The following ENPP1 variants were observed in gnomAD, a reference collection of about 807,000 sequenced individuals.
ENPP1 encodes ectonucleotide pyrophosphatase/phosphodiesterase family member 1.
ENPP1 carries 73 observed loss-of-function variants against 122.8 expected under a neutral mutation model. That is an observed-to-expected ratio of 0.59 (90% CI 0.49 to 0.72). The LOEUF (loss-of-function observed/expected upper bound fraction) is 0.72, where lower values mean the gene tolerates loss of function less well. ENPP1 is among the 30% of genes least tolerant of loss of function. The probability of loss-of-function intolerance (pLI) is 0.00; values close to 1 mark genes in which losing one functional copy is unlikely to be tolerated. For missense variants in ENPP1, 978 were observed against 1,128.1 expected (o/e 0.87, Z 1.91); for synonymous variants, 367 against 391.6 (o/e 0.94, Z 0.74).
rs896975302 is a variant in ENPP1, at chr6:131,869,318, T to C, written c.1274-40T>C. ...CTGCTCTGCATATTAAATTTTTTGT[T>C]AAAGTTACAGCATGTTTTGGGATTT... On this transcript the variant is annotated intron_variant, in intron 12 of 24. Coordinates refer to ENST00000647893, the MANE Select transcript of ENPP1 (RefSeq NM_006208.3). The C allele has an allele frequency of 2.5e-6, 4 of 1,608,868 alleles. No homozygotes were observed. In the African/African-American group the frequency reaches 4.0e-5, roughly 16 times the overall value.
At position 131,861,682 on chromosome 6, in the gene ENPP1, G is replaced by A; in HGVS notation, c.1003G>A (p.Asp335Asn). 1 of 1,608,844 alleles carries A rather than the reference G, an allele frequency of 6.2e-7. No homozygotes were observed. The highest frequency in any genetic ancestry group is 2.2e-5 in the East Asian group (1 of 44,826). ...TGTGGAAATTAACGGAATTTTCCCA[G>A]ACATCTATAAAATGTATAATGGGTA... ...SDVEINGIFP[D>N]IYKMYNGSVP... Residue 335 changes from aspartate to asparagine, a missense_variant, in exon 9 of 25, where the codon GAC (aspartate) becomes AAC (asparagine). By Grantham distance (23) the Asp-to-Asn change is conservative. This residue lies in a region of ENPP1 where 644 missense variants were observed against 781.5 expected (regional missense o/e 0.82). Coordinates refer to ENST00000647893, the MANE Select transcript of ENPP1 (RefSeq NM_006208.3).
At chr6:131,862,443 G>T (rs978985702) in intron 9 of ENPP1, among the ~76,000 whole-genome samples, 1 of 152,150 alleles carries the variant, frequency 6.6e-6, no homozygotes, top group South Asian at 2.1e-4. Flanking sequence ...TGGAGAAATT[G>T]TAATTCATGC....
At position 131,818,711 on chromosome 6, in the gene ENPP1, T is replaced by C. The variant is rs189286275; in HGVS notation, c.240+10436T>C. On this transcript the variant is annotated intron_variant, in intron 1 of 24. Transcript: ENST00000647893. ...AATCTGAAACCTAGATTACCTGTCT[T>C]TTTGATATTCTATGTGACACAATTG... Among the ~76,000 whole-genome samples, 13 of 152,276 alleles carry C rather than the reference T, an allele frequency of 8.5e-5. No homozygotes were observed. The East Asian group carries it at 2.5e-3, about 29-fold the overall frequency.
chr6:131,888,250 T>TTTTC (rs397750391), intron 24 of ENPP1, among the ~76,000 whole-genome samples: 73 of 149,604 alleles, frequency 4.9e-4, no homozygotes, highest in African/African-American at 1.7e-3. Flanking sequence ...TTTTTTTTTT[T>TTTTC]CATTGAAGTG....
intron 1 of ENPP1, among the ~76,000 whole-genome samples, chr6:131,843,741 G>T (rs1781770410): frequency 6.7e-6 from 1 of 149,766 alleles, no homozygotes; most frequent in African/African-American, 2.5e-5. Flanking sequence ...CATGATTTCA[G>T]ATTAAGCTGG....
chr6:131,823,345 G>A (rs1781504802), intron 1 of ENPP1, among the ~76,000 whole-genome samples: 1 of 152,094 alleles, frequency 6.6e-6, no homozygotes, highest in African/African-American at 2.4e-5. Flanking sequence ...CCTATATGAT[G>A]TATAGTACAT....
intron 20 of ENPP1, among the ~76,000 whole-genome samples, chr6:131,881,856 C>G (rs1435418975): frequency 1.3e-5 from 2 of 151,380 alleles, no homozygotes; most frequent in Non-Finnish European, 2.9e-5. Context: ...CCATCTCTAC[C>G]AAAAACACAA....
intron 11 of ENPP1, among the ~76,000 whole-genome samples, chr6:131,866,123 G>C (rs1782087760): frequency 6.6e-6 from 1 of 152,084 alleles, no homozygotes; most frequent in Admixed American, 6.5e-5. Flanking sequence ...TAAGGATCTT[G>C]ACTATTTTGG....
intron 1 of ENPP1, among the ~76,000 whole-genome samples, chr6:131,832,668 T>C (rs1264048926): frequency 6.6e-6 from 1 of 152,176 alleles, no homozygotes; most frequent in Non-Finnish European, 1.5e-5. Context: ...TCAGGGTCTT[T>C]CATGCAGCTG....
At chr6:131,818,514 G>T (rs568666324) in intron 1 of ENPP1, among the ~76,000 whole-genome samples, 10 of 152,050 alleles carry the variant, frequency 6.6e-5, no homozygotes, top group Non-Finnish European at 1.5e-4. Context: ...CGGGCATGGT[G>T]GTGGGCGCCT....
intron 1 of ENPP1, among the ~76,000 whole-genome samples, chr6:131,834,924 T>C (rs1484162518): frequency 2.6e-5 from 4 of 152,178 alleles, no homozygotes; most frequent in South Asian, 4.1e-4. Context: ...AATAAAGGTA[T>C]GATTAGTTTC....
Position 131,877,009 on chromosome 6 carries a change from C to G in ENPP1, c.1741C>G (p.Pro581Ala), listed in dbSNP as rs1304583170. The stretch of plus-strand genomic sequence containing the variant: ...TTATGCAGATTTACTGAATTTGACA[C>G]CGGCTCCTAATAACGGAACTCATGG... ...NLMCDLLNLT[P>A]APNNGTHGSL... The change falls in exon 18 of 25, where the codon CCG becomes GCG. Residue 581 changes from proline (P) to alanine (A), a missense_variant. By Grantham distance (27) the Pro-to-Ala change is conservative. Coordinates refer to ENST00000647893, the MANE Select transcript of ENPP1 (RefSeq NM_006208.3). The G allele has an allele frequency of 6.2e-7, 1 of 1,614,068 alleles. No individual in the cohort carries two copies. Among genetic ancestry groups the G allele is most frequent in the Non-Finnish European group, 8.5e-7 (1 of 1,179,960 alleles).
At chr6:131,815,849 C>T (rs1017978176) in intron 1 of ENPP1, among the ~76,000 whole-genome samples, 29 of 150,288 alleles carry the variant, frequency 1.9e-4, no homozygotes, top group African/African-American at 6.6e-4. Flanking sequence ...GGATTACAGG[C>T]GCACACCACC....
At chr6:131,864,987 C>A in intron 11 of ENPP1, 49 bp downstream of exon 11, 1 of 1,159,070 alleles carries the variant, frequency 8.6e-7, no homozygotes, top group East Asian at 2.3e-5. Context: ...AGTCATCAAA[C>A]TGAACCTCGC....
chr6:131,828,170 G>C, intron 1 of ENPP1: 1 of 574,930 alleles, frequency 1.7e-6, no homozygotes, highest in Non-Finnish European at 3.4e-6. Flanking sequence ...CTGATGTCCC[G>C]GGATTAGAGG....
intron 24 of ENPP1, among the ~76,000 whole-genome samples, chr6:131,888,916 C>T (rs1782423832): frequency 1.3e-5 from 2 of 152,170 alleles, no homozygotes; most frequent in South Asian, 4.1e-4. Context: ...ACAGCAAGTC[C>T]AGCTGCACAC....
intron 1 of ENPP1, among the ~76,000 whole-genome samples, chr6:131,834,969 A>G (rs897360023): frequency 7.9e-5 from 12 of 152,216 alleles, no homozygotes; most frequent in Admixed American, 7.2e-4. Context: ...TTTTACATTT[A>G]TTAGGGACCA....
chr6:131,819,951 T>TC, intron 1 of ENPP1: 1 of 566,028 alleles, frequency 1.8e-6, no homozygotes, highest in Non-Finnish European at 3.3e-6. Flanking sequence ...TTTTTTTTTT[T>TC]TTCGCATCTT....
intron 3 of ENPP1, among the ~76,000 whole-genome samples, chr6:131,850,573 G>A (rs1185646084): frequency 6.6e-6 from 1 of 152,076 alleles, no homozygotes; most frequent in East Asian, 1.9e-4. Flanking sequence ...TTTTTCATTA[G>A]TATTTATTTT....
Sources: gnomAD v4.1 joint callset for allele counts (sites outside exome capture counted in the v4.1 genomes callset) on GRCh38, gnomAD v4.1.1 for gene constraint, gnomAD v4.1.1 regional missense constraint, MANE v1.5 for transcripts, NCBI Gene and HGNC (gene_info 2026-07-23, HGNC 2026-07-21) for gene names.